The following MAP7 variants were observed in gnomAD, a reference collection of about 807,000 sequenced individuals.
The protein encoded by MAP7 is ensconsin.
MAP7 carries 52 observed loss-of-function variants against 94.8 expected under a neutral mutation model. The ratio of observed to expected loss-of-function variants is 0.55; its 90% confidence interval spans 0.44 to 0.69. The LOEUF (loss-of-function observed/expected upper bound fraction) is 0.69, where lower values mean the gene tolerates loss of function less well. Among genes scored for constraint, MAP7 ranks in the 30% least tolerant of loss-of-function variants. The probability of loss-of-function intolerance (pLI) is 0.00; values close to 1 mark genes in which losing one functional copy is unlikely to be tolerated. For missense variants in MAP7, 940 were observed against 964.6 expected (o/e 0.97, Z 0.34); for synonymous variants, 350 against 357.0 (o/e 0.98, Z 0.22).
chr6:136,542,254 G>A (rs1829384149), intron 1 of MAP7, among the ~76,000 whole-genome samples: 1 of 152,148 alleles, frequency 6.6e-6, no homozygotes, highest in Non-Finnish European at 1.5e-5. Context: ...TAAAGAGGTA[G>A]ACAACATCAC....
At chr6:136,368,458 A>G (rs1408885690) in intron 8 of MAP7, among the ~76,000 whole-genome samples, 1 of 152,206 alleles carries the variant, frequency 6.6e-6, no homozygotes, top group Non-Finnish European at 1.5e-5. Flanking sequence ...GGTTTAGAAT[A>G]CAGTATAAAT....
chr6:136,415,558 C>A (rs926378717), intron 2 of MAP7, among the ~76,000 whole-genome samples: 1 of 152,172 alleles, frequency 6.6e-6, no homozygotes, highest in African/African-American at 2.4e-5. Flanking sequence ...AGTAATGAGG[C>A]AATGCCCGAT....
At chr6:136,473,940 T>C (rs1809930283) in intron 1 of MAP7, among the ~76,000 whole-genome samples, 2 of 151,034 alleles carry the variant, frequency 1.3e-5, no homozygotes, top group South Asian at 4.2e-4. Flanking sequence ...AACAGGTTAA[T>C]AAATCAGATC....
At chr6:136,529,109 A>C (rs944965699) in intron 1 of MAP7, among the ~76,000 whole-genome samples, 4 of 152,104 alleles carry the variant, frequency 2.6e-5, no homozygotes, top group African/African-American at 7.2e-5. Context: ...AAAGTAAAAT[A>C]AACACTACTC....
chr6:136,542,584 G>A (rs1395507046), intron 1 of MAP7, among the ~76,000 whole-genome samples: 1 of 152,142 alleles, frequency 6.6e-6, no homozygotes, highest in Non-Finnish European at 1.5e-5. Flanking sequence ...GACCATTAAG[G>A]AGGAAGAGAG....
At position 136,402,905 on chromosome 6, in the gene MAP7, CAAAAAAAAA is replaced by C. The variant is rs57114676; in HGVS notation, c.244+8706_244+8714del. ...TGGGCGAAAGAGCAAGACTCTGTCT[CAAAAAAAAA>C]AAAAAAAAAAAAAAAAAAAAAAAAA... On this transcript the variant is annotated intron_variant, in intron 3 of 17. Transcript: ENST00000354570. Among the ~76,000 whole-genome samples the C allele has an allele frequency of 1.6e-4, 11 of 67,394 alleles. No individual in the cohort carries two copies. In the East Asian group the frequency reaches 1.7e-3, roughly 10 times the overall value. The allele number at this position is 67,394 out of a possible 152,430, so 44.2% of individuals were successfully genotyped here.
intron 16 of MAP7, among the ~76,000 whole-genome samples, chr6:136,347,137 T>A (rs552280584): frequency 6.6e-6 from 1 of 152,372 alleles, no homozygotes; most frequent in East Asian, 1.9e-4. Flanking sequence ...TGCTTTACAA[T>A]GTAGCCAAAT....
rs547733593 is a variant in MAP7 at position 136,405,034 on chromosome 6, G to T, written c.244+6586C>A. Among the ~76,000 whole-genome samples the T allele has an allele frequency of 3.9e-5, 6 of 152,256 alleles. No homozygotes were observed. The South Asian group carries it at 1.2e-3, about 32-fold the overall frequency. On this transcript the variant is annotated intron_variant, in intron 3 of 17. Coordinates refer to ENST00000354570, the MANE Select transcript of MAP7 (RefSeq NM_003980.6). ...CACCTGAGAAAATGATTACTAATAA[G>T]AATTTAATACCTGTTTGACTGAACT...
At chr6:136,443,900 C>T (rs1798594660) in intron 1 of MAP7, among the ~76,000 whole-genome samples, 1 of 152,170 alleles carries the variant, frequency 6.6e-6, no homozygotes, top group African/African-American at 2.4e-5. Context: ...ACAAAAAATA[C>T]TGTGGGAGCA....
chr6:136,533,907 C>T (rs1828679630), intron 1 of MAP7, among the ~76,000 whole-genome samples: 1 of 152,076 alleles, frequency 6.6e-6, no homozygotes, highest in African/African-American at 2.4e-5. Context: ...ATATCTAAAC[C>T]GTATCACCAT....
intron 1 of MAP7, among the ~76,000 whole-genome samples, chr6:136,437,550 T>C (rs563052773): frequency 1.3e-5 from 2 of 152,290 alleles, no homozygotes; most frequent in South Asian, 2.1e-4. Flanking sequence ...CCAATATTGA[T>C]CTGATTTACT....
chr6:136,386,204 G>C (rs1432941858), intron 5 of MAP7, among the ~76,000 whole-genome samples: 1 of 152,116 alleles, frequency 6.6e-6, no homozygotes, highest in Non-Finnish European at 1.5e-5. Context: ...CATACATCAG[G>C]TATTGTTGTC....
intron 2 of MAP7, among the ~76,000 whole-genome samples, chr6:136,412,288 A>C (rs1262719685): frequency 6.6e-6 from 1 of 152,154 alleles, no homozygotes; most frequent in African/African-American, 2.4e-5. Flanking sequence ...GTCCCAGTAA[A>C]TCACTGAACA....
chr6:136,484,981 A>G (rs1012124490), intron 1 of MAP7, among the ~76,000 whole-genome samples: 1 of 152,234 alleles, frequency 6.6e-6, no homozygotes, highest in Admixed American at 6.5e-5. Flanking sequence ...GGCATGAGCC[A>G]CTGTGCCCAG....
At chr6:136,426,482 T>C (rs1793190309) in intron 1 of MAP7, among the ~76,000 whole-genome samples, 1 of 152,192 alleles carries the variant, frequency 6.6e-6, no homozygotes. Context: ...AAAAAATCCA[T>C]AAACCCACAG....
intron 1 of MAP7, among the ~76,000 whole-genome samples, chr6:136,478,361 T>C (rs1272295594): frequency 1.3e-5 from 2 of 152,086 alleles, no homozygotes; most frequent in East Asian, 1.9e-4. Flanking sequence ...GGTGGGAGGA[T>C]GGCTTGAGGC....
chr6:136,400,176 G>A (rs1783660108), intron 3 of MAP7, among the ~76,000 whole-genome samples: 1 of 152,114 alleles, frequency 6.6e-6, no homozygotes, highest in Non-Finnish European at 1.5e-5. Flanking sequence ...CAGCACTTTG[G>A]GAGGCTGAGG....
chr6:136,358,572 A>C (rs780442811), intron 15 of MAP7, among the ~76,000 whole-genome samples: 4 of 152,228 alleles, frequency 2.6e-5, no homozygotes, highest in Non-Finnish European at 5.9e-5. Context: ...ATGGAAATAA[A>C]ACCAAGTCCC....
chr6:136,412,988 G>A lies in MAP7; in HGVS notation c.167-1291C>T, dbSNP rs146088260. ...CCAGCCTGAGCAACACGGTGAAACCGTCTCTGCTAAAAAAATACAAAAAAT... is the reference window on the plus strand; with the variant it reads ...CCAGCCTGAGCAACACGGTGAAACCATCTCTGCTAAAAAAATACAAAAAAT... On this transcript the variant is annotated intron_variant, in intron 2 of 17. Transcript: ENST00000354570. Among the ~76,000 whole-genome samples the A allele has an allele frequency of 2.6e-5, 4 of 151,964 alleles. No individual in the cohort carries two copies. In the East Asian group the frequency reaches 5.8e-4, roughly 22 times the overall value.
Sources: gnomAD v4.1 joint callset for allele counts (sites outside exome capture counted in the v4.1 genomes callset) on GRCh38, gnomAD v4.1.1 for gene constraint, MANE v1.5 for transcripts, NCBI Gene and HGNC (gene_info 2026-07-23, HGNC 2026-07-21) for gene names.